The following KPNA5 variants were observed in gnomAD, a reference collection of about 807,000 sequenced individuals.
KPNA5 encodes the protein importin subunit alpha-6.
Under a neutral mutation model 71.3 loss-of-function variants are expected in KPNA5, and 46 were observed. The observed-to-expected ratio is 0.65, with a 90% CI of 0.51 to 0.83. The LOEUF (loss-of-function observed/expected upper bound fraction) is 0.83. KPNA5 is among the 40% of genes least tolerant of loss of function. KPNA5 has a pLI of 0.00. For missense variants in KPNA5, 547 were observed against 628.3 expected (o/e 0.87, Z 1.38); for synonymous variants, 207 against 201.4 (o/e 1.03, Z -0.24).
chr6:116,709,139 T>G (rs1778556266), intron 7 of KPNA5, among the ~76,000 whole-genome samples: 1 of 152,180 alleles, frequency 6.6e-6, no homozygotes, highest in Admixed American at 6.5e-5. Context: ...ACACTAATAG[T>G]TTTTTTGTAG....
intron 3 of KPNA5, 42 bp downstream of exon 3, chr6:116,692,198 T>A (rs758512080): frequency 6.8e-7 from 1 of 1,463,642 alleles, no homozygotes; most frequent in Non-Finnish European, 9.5e-7. Flanking sequence ...ACCTCAATAA[T>A]TTTAGCAATA....
chr6:116,685,477 C>T (rs778513317), intron 1 of KPNA5, among the ~76,000 whole-genome samples: 1 of 152,132 alleles, frequency 6.6e-6, no homozygotes, highest in Non-Finnish European at 1.5e-5. Flanking sequence ...CTGTTGTTCC[C>T]TTCTTTGTGT....
chr6:116,696,210 A>G (rs1314452891), intron 4 of KPNA5, among the ~76,000 whole-genome samples: 2 of 152,120 alleles, frequency 1.3e-5, no homozygotes, highest in African/African-American at 4.8e-5. Context: ...TTTGTAATGG[A>G]ATTATGCTTG....
intron 8 of KPNA5, among the ~76,000 whole-genome samples, chr6:116,719,444 C>T (rs564193204): frequency 2.0e-5 from 3 of 152,314 alleles, no homozygotes; most frequent in Admixed American, 2.0e-4. Context: ...CACTAAATTT[C>T]AGTCTCTTTT....
Position 116,724,325 on chromosome 6 carries a change from G to A in KPNA5, c.949G>A (p.Ala317Thr). The change falls in exon 10 of 14, where the codon GCA (alanine) becomes ACA (threonine). Residue 317 changes from alanine to threonine, a missense_variant. Ala to Thr is a moderately conservative substitution (Grantham distance 58). Transcript: ENST00000368564. ...CAATGATTATAAAGTTGTATCACCT[G>A]CATTAAGGGCAGTTGGTAATATTGT... The part of the protein sequence containing the change: ...MHNDYKVVSP[A>T]LRAVGNIVTG... The A allele has an allele frequency of 2.5e-6, 4 of 1,609,824 alleles. No individual in the cohort carries two copies. Among genetic ancestry groups the A allele is most frequent in the Non-Finnish European group, 3.4e-6 (4 of 1,176,564 alleles).
intron 5 of KPNA5, among the ~76,000 whole-genome samples, chr6:116,699,568 C>A (rs1164282033): frequency 6.6e-6 from 1 of 152,090 alleles, no homozygotes; most frequent in Non-Finnish European, 1.5e-5. Flanking sequence ...TGAGAAAGAT[C>A]CTCACGTTTT....
At position 116,736,575 on chromosome 6, in the gene KPNA5, T is replaced by C. The variant is rs936913637; in HGVS notation, c.*4252T>C. The C allele has an allele frequency of 6.6e-6, 1 of 152,124 alleles. No individual in the cohort carries two copies. Among genetic ancestry groups the C allele is most frequent in the South Asian group, 2.1e-4 (1 of 4,828 alleles). 9.4% of individuals were successfully genotyped at this position (152,124 alleles called of 1,614,324 possible). On this transcript the variant is annotated 3_prime_UTR_variant, in exon 14 of 14. Transcript: ENST00000368564. ...AACACAAAGTTTTAAATGCATATTT[T>C]ACACCCCAAAGCAACCAATTCTTGT...
intron 7 of KPNA5, among the ~76,000 whole-genome samples, chr6:116,705,606 C>T (rs1474783962): frequency 2.6e-5 from 4 of 151,806 alleles, no homozygotes; most frequent in Admixed American, 2.0e-4. Flanking sequence ...CTAGTAGTTT[C>T]TTCTACTACT....
At chr6:116,725,049 A>G (rs1779244215) in intron 10 of KPNA5, among the ~76,000 whole-genome samples, 1 of 152,186 alleles carries the variant, frequency 6.6e-6, no homozygotes, top group Admixed American at 6.5e-5. Flanking sequence ...CTATTTGGAT[A>G]CTAATCATAG....
intron 5 of KPNA5, among the ~76,000 whole-genome samples, chr6:116,699,200 A>AAT (rs1778141288): frequency 6.6e-6 from 1 of 152,210 alleles, no homozygotes; most frequent in African/African-American, 2.4e-5. Flanking sequence ...AAAACAGAAT[A>AAT]AATTATTATT....
chr6:116,707,387 A>G (rs1778487384), intron 7 of KPNA5, among the ~76,000 whole-genome samples: 1 of 152,202 alleles, frequency 6.6e-6, no homozygotes, highest in South Asian at 2.1e-4. Context: ...TTAATTTATA[A>G]TGTAGCATAT....
intron 2 of KPNA5, among the ~76,000 whole-genome samples, chr6:116,690,387 G>A (rs1777750871): frequency 6.6e-6 from 1 of 152,214 alleles, no homozygotes; most frequent in African/African-American, 2.4e-5. Flanking sequence ...GGGAGCCCTG[G>A]CTCACCCCTT....
rs1471112441 is a variant in KPNA5, at chr6:116,733,911, A to G, written c.*1588A>G. 2 of 151,756 alleles carry G rather than the reference A, an allele frequency of 1.3e-5. No homozygotes were observed. Among genetic ancestry groups the G allele is most frequent in the African/African-American group, 4.8e-5 (2 of 41,412 alleles). The allele number at this position is 151,756 out of a possible 1,614,324, so 9.4% of individuals were successfully genotyped here. A position where few individuals can be genotyped will look rare whatever the true frequency, so the allele number is the denominator to read the frequency against. On this transcript the variant is annotated 3_prime_UTR_variant, in exon 14 of 14. Coordinates refer to ENST00000368564, the MANE Select transcript of KPNA5 (RefSeq NM_001366306.2). ...GAATATGTCACTTTGTAAATTACAT[A>G]TCATGAAACTAAGCTTTTGACAAGA...
chr6:116,709,231 G>A (rs901580136), intron 7 of KPNA5, among the ~76,000 whole-genome samples: 2 of 152,218 alleles, frequency 1.3e-5, no homozygotes, highest in African/African-American at 4.8e-5. Context: ...GCACATGCCT[G>A]TAGTCTCAGA....
intron 2 of KPNA5, among the ~76,000 whole-genome samples, chr6:116,690,794 G>A (rs1243366206): frequency 6.6e-6 from 1 of 152,038 alleles, no homozygotes; most frequent in Non-Finnish European, 1.5e-5. Context: ...TGATGCTCAG[G>A]TCCTTTATGT....
At chr6:116,705,263 T>C in intron 7 of KPNA5, 103 bp downstream of exon 7, 1 of 883,522 alleles carries the variant, frequency 1.1e-6, no homozygotes, top group South Asian at 1.9e-5. Context: ...ATTTGTCTTA[T>C]GGTTATCAAG....
At chr6:116,695,473 G>T (rs1777990371) in intron 4 of KPNA5, among the ~76,000 whole-genome samples, 1 of 152,010 alleles carries the variant, frequency 6.6e-6, no homozygotes, top group Non-Finnish European at 1.5e-5. Flanking sequence ...AATTTTATGG[G>T]ATTGTATATA....
At chr6:116,705,573 G>C (rs1003658757) in intron 7 of KPNA5, among the ~76,000 whole-genome samples, 16 of 151,996 alleles carry the variant, frequency 1.1e-4, no homozygotes, top group African/African-American at 3.9e-4. Flanking sequence ...TTCAGGATTA[G>C]AGTTTTACTT....
chr6:116,683,896 CTTTTTTTTTTTTTTTTTTTT>C lies in KPNA5; in HGVS notation c.4+2573_4+2592del, dbSNP rs140446065. Among the ~76,000 whole-genome samples the C allele has an allele frequency of 2.9e-4, 17 of 59,610 alleles. No homozygotes were observed. The South Asian group carries it at 4.3e-3, about 15-fold the overall frequency. The allele number at this position is 59,610 out of a possible 152,430, so 39.1% of individuals were successfully genotyped here. ...ACAGGCGTGAGCCACCGTGCCCGGC[CTTTTTTTTTTTTTTTTTTTT>C]TTTTTTTTTTTTTTGACAGAGTCTT... is the stretch of plus-strand genomic sequence containing the variant. On this transcript the variant is annotated intron_variant, in intron 1 of 13. Transcript: ENST00000368564.
Sources: allele counts gnomAD v4.1 joint callset (sites outside exome capture counted in the v4.1 genomes callset), GRCh38; gene constraint gnomAD v4.1.1; transcripts MANE v1.5; gene names NCBI Gene and HGNC (gene_info 2026-07-23, HGNC 2026-07-21).